The following LRMDA variants were observed in gnomAD, a reference collection of about 807,000 sequenced individuals.
LRMDA encodes the protein leucine rich melanocyte differentiation associated.
A neutral mutation model predicts 29.8 loss-of-function variants in LRMDA; 18 were observed. That is an observed-to-expected ratio of 0.60 (90% CI 0.42 to 0.90). The LOEUF (loss-of-function observed/expected upper bound fraction) is 0.90. Ranked by LOEUF, LRMDA falls within the 40% of genes least tolerant of loss-of-function variation. The probability of loss-of-function intolerance (pLI) is 0.00; values close to 1 mark genes in which losing one functional copy is unlikely to be tolerated. For synonymous variants in LRMDA, 125 were observed against 109.4 expected (o/e 1.14, Z -0.89); for missense variants, 273 against 273.9 (o/e 1.00, Z 0.02).
At chr10:75,566,296 T>C (rs922257286) in intron 2 of LRMDA, among the ~76,000 whole-genome samples, 2 of 152,202 alleles carry the variant, frequency 1.3e-5, no homozygotes, top group African/African-American at 4.8e-5. Flanking sequence ...TCCACTCGTG[T>C]TCTTCACATG....
chr10:76,373,196 C>T (rs1234880879), intron 6 of LRMDA, among the ~76,000 whole-genome samples: 5 of 152,042 alleles, frequency 3.3e-5, no homozygotes, highest in Non-Finnish European at 5.9e-5. Context: ...TTGGGTTTAG[C>T]TAAGAATGTC....
chr10:75,851,177 G>A (rs1844726983), intron 2 of LRMDA, among the ~76,000 whole-genome samples: 1 of 152,062 alleles, frequency 6.6e-6, no homozygotes, highest in Non-Finnish European at 1.5e-5. Flanking sequence ...GAGAAACAAG[G>A]GAACCTTGGT....
At chr10:76,124,097 G>A (rs1281684931) in intron 5 of LRMDA, among the ~76,000 whole-genome samples, 1 of 151,778 alleles carries the variant, frequency 6.6e-6, no homozygotes, top group Non-Finnish European at 1.5e-5. Context: ...CTCTCCCATC[G>A]TCTCTAGGCC....
At chr10:76,380,539 G>A (rs545153874) in intron 6 of LRMDA, among the ~76,000 whole-genome samples, 3 of 151,838 alleles carry the variant, frequency 2.0e-5, no homozygotes, top group Admixed American at 2.0e-4. Flanking sequence ...CGTGGTGGCG[G>A]GCGCCTGTAG....
At chr10:75,800,438 C>CTTTTTT in intron 2 of LRMDA, among the ~76,000 whole-genome samples, 1 of 145,636 alleles carries the variant, frequency 6.9e-6, no homozygotes, top group Non-Finnish European at 1.5e-5. Flanking sequence ...TAATCTTTTT[C>CTTTTTT]TTTTTTTTTT....
chr10:76,167,239 C>A (rs1448564918), intron 5 of LRMDA, among the ~76,000 whole-genome samples: 1 of 152,054 alleles, frequency 6.6e-6, no homozygotes, highest in Non-Finnish European at 1.5e-5. Context: ...TTGCAAATAT[C>A]TTCTCCCATT....
At chr10:76,138,975 G>A (rs1850148293) in intron 5 of LRMDA, among the ~76,000 whole-genome samples, 1 of 152,080 alleles carries the variant, frequency 6.6e-6, no homozygotes, top group Non-Finnish European at 1.5e-5. Context: ...AGTTACTGTG[G>A]ATGTCATGGA....
chr10:75,525,550 A>G (rs1032906884), intron 2 of LRMDA, among the ~76,000 whole-genome samples: 4 of 148,260 alleles, frequency 2.7e-5, no homozygotes, highest in Admixed American at 1.3e-4. Flanking sequence ...AGATAATTGT[A>G]TCTGCAGGCT....
chr10:76,455,732 A>T (rs1201035453), intron 6 of LRMDA, among the ~76,000 whole-genome samples: 1 of 152,190 alleles, frequency 6.6e-6, no homozygotes, highest in African/African-American at 2.4e-5. Context: ...TGTCTGGCAT[A>T]GATGTGTAGG....
intron 2 of LRMDA, among the ~76,000 whole-genome samples, chr10:75,931,533 G>A (rs1846205375): frequency 6.6e-6 from 1 of 152,144 alleles, no homozygotes. Flanking sequence ...CTCAATAGAA[G>A]ATGGGATTGC....
intron 2 of LRMDA, among the ~76,000 whole-genome samples, chr10:75,615,932 G>A (rs1841092389): frequency 6.6e-6 from 1 of 152,156 alleles, no homozygotes; most frequent in Admixed American, 6.5e-5. Context: ...AATAATGTTG[G>A]CTATCGATTT....
chr10:76,524,331 G>A (rs983768973), intron 6 of LRMDA, among the ~76,000 whole-genome samples: 6 of 152,214 alleles, frequency 3.9e-5, no homozygotes, highest in African/African-American at 4.8e-5. Flanking sequence ...ACAAAGCGAG[G>A]ATGGGAGCCG....
chr10:76,064,638 T>G (rs1485730783), intron 5 of LRMDA, among the ~76,000 whole-genome samples: 1 of 152,216 alleles, frequency 6.6e-6, no homozygotes, highest in African/African-American at 2.4e-5. Flanking sequence ...CTTCTGTTAC[T>G]CCTATGTAGC....
chr10:75,848,642 A>T (rs1844681249), intron 2 of LRMDA, among the ~76,000 whole-genome samples: 1 of 151,972 alleles, frequency 6.6e-6, no homozygotes, highest in Non-Finnish European at 1.5e-5. Flanking sequence ...TGGGCTCATA[A>T]ATCTTCACAA....
intron 2 of LRMDA, among the ~76,000 whole-genome samples, chr10:75,549,519 A>C (rs1456096270): frequency 6.6e-6 from 1 of 152,298 alleles, no homozygotes; most frequent in East Asian, 1.9e-4. Context: ...TCACAGGCAC[A>C]GTCACAGCAT....
intron 2 of LRMDA, among the ~76,000 whole-genome samples, chr10:75,813,182 G>A (rs1049509553): frequency 2.0e-5 from 3 of 152,180 alleles, no homozygotes; most frequent in African/African-American, 7.2e-5. Context: ...CTGAGATCAG[G>A]TGATCCAGAG....
chr10:76,014,094 T>TA (rs5786208), intron 2 of LRMDA, among the ~76,000 whole-genome samples: 59,420 of 104,646 alleles, frequency 0.57, 17,026 homozygotes, highest in South Asian at 0.62. Flanking sequence ...TGTTTCTGTT[T>TA]AAAAAAAAAA....
intron 5 of LRMDA, among the ~76,000 whole-genome samples, chr10:76,195,555 G>A (rs1008563908): frequency 6.6e-6 from 1 of 152,114 alleles, no homozygotes; most frequent in Non-Finnish European, 1.5e-5. Context: ...TTTCCAGGAC[G>A]TCTTACCTGT....
At chr10:75,726,604 C>G (rs994986950) in intron 2 of LRMDA, among the ~76,000 whole-genome samples, 1 of 152,166 alleles carries the variant, frequency 6.6e-6, no homozygotes, top group Non-Finnish European at 1.5e-5. Context: ...GAGGGAAGCA[C>G]TCATCTCATG....
Sources: allele counts gnomAD v4.1 joint callset (sites outside exome capture counted in the v4.1 genomes callset), GRCh38; gene constraint gnomAD v4.1.1; transcripts MANE v1.5; gene names NCBI Gene and HGNC (gene_info 2026-07-23, HGNC 2026-07-21).